Variants in AKAP6 observed in about 807,000 individuals in gnomAD.
AKAP6 encodes the protein A-kinase anchor protein 6.
AKAP6 carries 58 observed loss-of-function variants against 188.5 expected under a neutral mutation model. The ratio of observed to expected loss-of-function variants is 0.31; its 90% confidence interval spans 0.25 to 0.38. The LOEUF (loss-of-function observed/expected upper bound fraction) is 0.38, where lower values mean the gene tolerates loss of function less well. AKAP6 is among the 10% of genes least tolerant of loss of function. The probability of loss-of-function intolerance (pLI) is 1.00; values close to 1 mark genes in which losing one functional copy is unlikely to be tolerated. For missense variants in AKAP6, 2,710 were observed against 2,740.0 expected, an observed-to-expected ratio of 0.99 and a Z score of 0.24; for synonymous variants, 989 against 998.6, an observed-to-expected ratio of 0.99 and a Z score of 0.18.
At chr14:32,790,966 G>T (rs2033590120) in intron 12 of AKAP6, among the ~76,000 whole-genome samples, 1 of 152,142 alleles carries the variant, frequency 6.6e-6, no homozygotes, top group South Asian at 2.1e-4. Context: ...TTTTATGGCT[G>T]CATAGTATTC....
intron 12 of AKAP6, among the ~76,000 whole-genome samples, chr14:32,781,928 C>T (rs1012841116): frequency 1.6e-4 from 25 of 151,952 alleles, no homozygotes; most frequent in African/African-American, 6.0e-4. Context: ...TTTGGGAGGC[C>T]GAGGTGGGTG....
At chr14:32,703,251 A>C (rs576220294) in intron 9 of AKAP6, among the ~76,000 whole-genome samples, 79 of 152,258 alleles carry the variant, frequency 5.2e-4, no homozygotes, top group Middle Eastern at 6.8e-3. Context: ...AAATCATAGC[A>C]GGCATTAGCT....
intron 1 of AKAP6, among the ~76,000 whole-genome samples, chr14:32,392,967 T>A (rs1888759804): frequency 6.6e-6 from 1 of 152,032 alleles, no homozygotes; most frequent in South Asian, 2.1e-4. Flanking sequence ...ATTTTTAATT[T>A]TTTTCTTCTG....
intron 5 of AKAP6, among the ~76,000 whole-genome samples, chr14:32,579,895 C>T (rs1046418059): frequency 6.6e-6 from 1 of 151,988 alleles, no homozygotes; most frequent in Non-Finnish European, 1.5e-5. Context: ...GCAAGATTAT[C>T]CAGTAGTAGA....
At chr14:32,815,519 T>G (rs559580950) in intron 12 of AKAP6, among the ~76,000 whole-genome samples, 2 of 152,328 alleles carry the variant, frequency 1.3e-5, no homozygotes, top group East Asian at 3.9e-4. Flanking sequence ...CTTTTCTCAT[T>G]TGGTTATCTT....
At chr14:32,476,984 C>T (rs1437975252) in intron 2 of AKAP6, among the ~76,000 whole-genome samples, 3 of 152,140 alleles carry the variant, frequency 2.0e-5, no homozygotes, top group Non-Finnish European at 4.4e-5. Context: ...CAAAGGTTTC[C>T]TGATTTGCAA....
At chr14:32,416,236 T>C (rs1447507382) in intron 1 of AKAP6, among the ~76,000 whole-genome samples, 1 of 152,222 alleles carries the variant, frequency 6.6e-6, no homozygotes, top group Non-Finnish European at 1.5e-5. Context: ...TTTTTGATAG[T>C]ACCCATACCA....
chr14:32,370,089 CATGACCATT>C (rs1594548987), intron 1 of AKAP6, among the ~76,000 whole-genome samples: 1 of 152,196 alleles, frequency 6.6e-6, no homozygotes, highest in Non-Finnish European at 1.5e-5. Context: ...GGGGTCATTA[CATGACCATT>C]ATTTCTAAGT....
chr14:32,781,881 G>T (rs560738050), intron 12 of AKAP6, among the ~76,000 whole-genome samples: 1 of 152,112 alleles, frequency 6.6e-6, no homozygotes, highest in Non-Finnish European at 1.5e-5. Context: ...AGGAAAAAAT[G>T]TCCAGGTGTG....
intron 2 of AKAP6, among the ~76,000 whole-genome samples, chr14:32,445,743 A>T (rs1890734068): frequency 6.6e-6 from 1 of 152,034 alleles, no homozygotes; most frequent in Non-Finnish European, 1.5e-5. Context: ...TCAATTTGAG[A>T]TATTACTACT....
intron 1 of AKAP6, among the ~76,000 whole-genome samples, chr14:32,342,338 T>G (rs1251206137): frequency 6.6e-6 from 1 of 152,178 alleles, no homozygotes; most frequent in African/African-American, 2.4e-5. Context: ...TCCCTGCCCT[T>G]AGGGTGGAGA....
chr14:32,821,874 GAGA>G lies in AKAP6; in HGVS notation c.4062_4064del (p.Asp1355del). ...GTAAAGCCCTGCGCATGTCATGGAGGAGACATGAGCCAGAATTCAGGCAGTGAG... is the reference window on the plus strand; with the variant it reads ...GTAAAGCCCTGCGCATGTCATGGAGGCATGAGCCAGAATTCAGGCAGTGAG... On this transcript the variant is annotated inframe_deletion, in exon 13 of 14. Transcript: ENST00000280979. 4 of 1,613,898 alleles carry G rather than the reference GAGA, an allele frequency of 2.5e-6. No homozygotes were observed. The highest frequency in any genetic ancestry group is 3.4e-6 in the Non-Finnish European group (4 of 1,179,944).
At chr14:32,357,599 C>T (rs1318252547) in intron 1 of AKAP6, among the ~76,000 whole-genome samples, 3 of 152,188 alleles carry the variant, frequency 2.0e-5, no homozygotes, top group African/African-American at 7.2e-5. Flanking sequence ...AATTACTGAA[C>T]AGAAGACAAT....
intron 2 of AKAP6, among the ~76,000 whole-genome samples, chr14:32,531,318 GA>G (rs1328318919): frequency 6.6e-6 from 1 of 152,162 alleles, no homozygotes; most frequent in Non-Finnish European, 1.5e-5. Flanking sequence ...ATACTTGCTA[GA>G]AAATAATATG....
chr14:32,809,092 A>G (rs2140109800), intron 12 of AKAP6, among the ~76,000 whole-genome samples: 1 of 152,386 alleles, frequency 6.6e-6, no homozygotes, highest in Non-Finnish European at 1.5e-5. Flanking sequence ...CATGCTGCCC[A>G]TCTCTAAGAT....
At chr14:32,470,600 A>G (rs919696385) in intron 2 of AKAP6, among the ~76,000 whole-genome samples, 2 of 152,198 alleles carry the variant, frequency 1.3e-5, no homozygotes, top group African/African-American at 4.8e-5. Flanking sequence ...AGCTGAGAGG[A>G]AAACTGCCAG....
chr14:32,615,979 A>T (rs1886561746), intron 7 of AKAP6, among the ~76,000 whole-genome samples: 1 of 152,126 alleles, frequency 6.6e-6, no homozygotes. Context: ...ATTCTCATCA[A>T]TGTTCCCTCA....
intron 2 of AKAP6, among the ~76,000 whole-genome samples, chr14:32,441,898 A>G (rs574688061): frequency 6.6e-6 from 1 of 152,254 alleles, no homozygotes; most frequent in African/African-American, 2.4e-5. Flanking sequence ...AGAAAAATCT[A>G]AAGAAACTGG....
intron 4 of AKAP6, among the ~76,000 whole-genome samples, chr14:32,547,230 A>G (rs1284571009): frequency 6.6e-6 from 1 of 152,240 alleles, no homozygotes; most frequent in East Asian, 1.9e-4. Context: ...TGCCTGGTAT[A>G]GAATTCTTTG....
Sources: gnomAD v4.1 joint callset for allele counts (sites outside exome capture counted in the v4.1 genomes callset) on GRCh38, gnomAD v4.1.1 for gene constraint, MANE v1.5 for transcripts, NCBI Gene and HGNC (gene_info 2026-07-23, HGNC 2026-07-21) for gene names.